Variants in GRM8 observed in about 807,000 individuals in gnomAD.
The protein encoded by GRM8 is metabotropic glutamate receptor 8.
A neutral mutation model predicts 87.2 loss-of-function variants in GRM8; 47 were observed. The ratio of observed to expected loss-of-function variants is 0.54; its 90% CI spans 0.43 to 0.69. The LOEUF (loss-of-function observed/expected upper bound fraction) is 0.69. GRM8 is among the 30% of genes least tolerant of loss of function. The probability of loss-of-function intolerance (pLI) is 0.00; values close to 1 mark genes in which losing one functional copy is unlikely to be tolerated. For synonymous variants in GRM8, 396 were observed against 404.5 expected, an observed-to-expected ratio of 0.98 and a Z score of 0.25; for missense variants, 1,019 against 1,139.2, an observed-to-expected ratio of 0.89 and a Z score of 1.52.
At chr7:126,487,448 C>T (rs1474066500) in intron 9 of GRM8, among the ~76,000 whole-genome samples, 11 of 151,820 alleles carry the variant, frequency 7.2e-5, no homozygotes. Flanking sequence ...ATTTTAATAA[C>T]TTTTTCTGAT....
At chr7:126,613,285 AT>A (rs10713342) in intron 7 of GRM8, among the ~76,000 whole-genome samples, 77,041 of 151,134 alleles carry the variant, frequency 0.51, 20,150 homozygotes, top group South Asian at 0.64. Flanking sequence ...TAAGTGGCGA[AT>A]TTTTTTTTTG....
chr7:126,987,685 G>T (rs986998383), intron 3 of GRM8, among the ~76,000 whole-genome samples: 1 of 151,880 alleles, frequency 6.6e-6, no homozygotes, highest in Admixed American at 6.6e-5. Context: ...GGATGGTCTC[G>T]ATCTCCTGAC....
rs575700183 is a variant in GRM8 at position 127,194,913 on chromosome 7, C to A, written c.510+47782G>T. ...TTTACAAACAGGTGTCTAAATCCCC[C>A]TTCCCCCACCCCAGATTCCAGGTGA... On this transcript the variant is annotated intron_variant, in intron 2 of 10. Coordinates refer to ENST00000339582, the MANE Select transcript of GRM8 (RefSeq NM_000845.3). Among the ~76,000 whole-genome samples, 16 of 152,268 alleles carry A rather than the reference C, an allele frequency of 1.1e-4. No homozygotes were observed. The South Asian group carries it at 3.3e-3, about 32-fold the overall frequency.
intron 6 of GRM8, among the ~76,000 whole-genome samples, chr7:126,854,783 G>A (rs1466153715): frequency 6.6e-6 from 1 of 152,158 alleles, no homozygotes; most frequent in Non-Finnish European, 1.5e-5. Flanking sequence ...TAATTTGTAA[G>A]TGAATATTCC....
intron 3 of GRM8, among the ~76,000 whole-genome samples, chr7:126,975,014 C>T (rs957476995): frequency 6.9e-6 from 1 of 145,390 alleles, no homozygotes; most frequent in African/African-American, 2.5e-5. Context: ...ACTCAAAGTT[C>T]AGATGCCTCA....
intron 7 of GRM8, among the ~76,000 whole-genome samples, chr7:126,761,075 G>A (rs528418013): frequency 6.6e-6 from 1 of 152,222 alleles, no homozygotes; most frequent in South Asian, 2.1e-4. Context: ...GCATGCACCT[G>A]TAGTCCCAGC....
chr7:126,556,841 C>T (rs1456225550), intron 8 of GRM8, among the ~76,000 whole-genome samples: 2 of 152,126 alleles, frequency 1.3e-5, no homozygotes, highest in African/African-American at 4.8e-5. Flanking sequence ...CAGTTCTATT[C>T]CATTGTCTTT....
intron 2 of GRM8, among the ~76,000 whole-genome samples, chr7:127,181,673 G>T (rs1334012717): frequency 6.6e-6 from 1 of 152,028 alleles, no homozygotes. Context: ...ACAGGATAGA[G>T]AACCCAGAAA....
At position 127,144,081 on chromosome 7, in the gene GRM8, C is replaced by A. The variant is rs928200550; in HGVS notation, c.511-37369G>T. On this transcript the variant is annotated intron_variant, in intron 2 of 10. Transcript: ENST00000339582. ...AGTCTGTGCCTCATTTCCTCATCTGCAAAATGGGAATAATGATAGCAGATA... is the reference window on the plus strand; with the variant it reads ...AGTCTGTGCCTCATTTCCTCATCTGAAAAATGGGAATAATGATAGCAGATA... 1.0e-3 allele frequency among the ~76,000 whole-genome samples: 156 copies of A among 152,116 alleles called. 1 individual carries two copies. The highest frequency in any genetic ancestry group is 1.3e-4 in the Non-Finnish European group (9 of 67,990).
chr7:127,119,474 A>T (rs1399671504), intron 2 of GRM8, among the ~76,000 whole-genome samples: 2 of 150,146 alleles, frequency 1.3e-5, no homozygotes, highest in Non-Finnish European at 3.0e-5. Flanking sequence ...TGACAGAGCG[A>T]GATCCTGTCT....
intron 9 of GRM8, among the ~76,000 whole-genome samples, chr7:126,526,070 T>C (rs963877573): frequency 2.0e-5 from 3 of 152,176 alleles, no homozygotes; most frequent in Non-Finnish European, 2.9e-5. Context: ...AATATATATA[T>C]ATGTGGTTAC....
At chr7:126,922,196 G>T (rs1233964539) in intron 3 of GRM8, among the ~76,000 whole-genome samples, 2 of 152,106 alleles carry the variant, frequency 1.3e-5, no homozygotes, top group East Asian at 1.9e-4. Flanking sequence ...AAATGTTTAA[G>T]AATAGAAATG....
chr7:126,758,959 G>A (rs1452836516), intron 7 of GRM8, among the ~76,000 whole-genome samples: 1 of 151,526 alleles, frequency 6.6e-6, no homozygotes, highest in Admixed American at 6.6e-5. Context: ...GTGCAGTGGC[G>A]GGATCCTGGC....
chr7:126,447,990 C>T (rs1802206543), intron 9 of GRM8, among the ~76,000 whole-genome samples: 1 of 151,986 alleles, frequency 6.6e-6, no homozygotes, highest in Non-Finnish European at 1.5e-5. Flanking sequence ...TATAAATCTC[C>T]TAAGTTTTGC....
chr7:126,506,239 G>T (rs1443103675), intron 9 of GRM8, among the ~76,000 whole-genome samples: 1 of 151,576 alleles, frequency 6.6e-6, no homozygotes, highest in Non-Finnish European at 1.5e-5. Flanking sequence ...TTGTGTGTGT[G>T]TGTGTAGACA....
intron 8 of GRM8, among the ~76,000 whole-genome samples, chr7:126,549,066 A>T (rs1188673547): frequency 1.3e-5 from 2 of 152,178 alleles, no homozygotes; most frequent in African/African-American, 4.8e-5. Context: ...TATAAAATCA[A>T]ATCATTAATG....
At chr7:126,767,395 T>C (rs1013493431) in intron 7 of GRM8, among the ~76,000 whole-genome samples, 1 of 152,132 alleles carries the variant, frequency 6.6e-6, no homozygotes, top group Non-Finnish European at 1.5e-5. Flanking sequence ...CTGTAAAATT[T>C]TGTAAAATAA....
At chr7:126,477,839 A>G (rs1584755602) in intron 9 of GRM8, among the ~76,000 whole-genome samples, 1 of 152,146 alleles carries the variant, frequency 6.6e-6, no homozygotes, top group African/African-American at 2.4e-5. Flanking sequence ...AACTGGGTGG[A>G]TAGAAGAAAC....
chr7:126,896,825 A>G (rs1801590652), intron 6 of GRM8, among the ~76,000 whole-genome samples: 4 of 152,168 alleles, frequency 2.6e-5, no homozygotes, highest in African/African-American at 7.2e-5. Context: ...TGTCAGCTGT[A>G]TGCAGGCTAA....
Sources: allele counts gnomAD v4.1 joint callset (sites outside exome capture counted in the v4.1 genomes callset), GRCh38; gene constraint gnomAD v4.1.1; transcripts MANE v1.5; gene names NCBI Gene and HGNC (gene_info 2026-07-23, HGNC 2026-07-21).